Variants in TGM4 observed in about 807,000 individuals in gnomAD.
The protein encoded by TGM4 is transglutaminase 4.
A neutral mutation model predicts 76.3 loss-of-function variants in TGM4; 61 were observed. The observed-to-expected ratio is 0.80, with a 90% CI of 0.65 to 0.99. The LOEUF is 0.99. TGM4 is among the 50% of genes least tolerant of loss of function. TGM4 has a pLI of 0.00. For synonymous variants in TGM4, 337 were observed against 329.8 expected (o/e 1.02, Z -0.24); for missense variants, 794 against 843.2 (o/e 0.94, Z 0.72).
At position 44,910,973 on chromosome 3, in the gene TGM4, T is replaced by C. The variant is rs777766236; in HGVS notation, c.1622T>C (p.Leu541Pro). Residue 541 changes from leucine to proline, a missense_variant, in exon 12 of 14, where the codon CTG (leucine) becomes CCG (proline). Leu to Pro is a moderately conservative substitution (Grantham distance 98). Transcript: ENST00000296125. Reference sequence around the variant, plus strand: ...TCTTTGGCAGTATCAGAAGTGACTCTGACCTTGGACTCCAAGACCTACATC... The same window carrying C: ...TCTTTGGCAGTATCAGAAGTGACTCCGACCTTGGACTCCAAGACCTACATC... ...QIQGQVSEVT[L>P]TLDSKTYINS... The C allele has an allele frequency of 5.0e-6, 8 of 1,614,054 alleles. No individual in the cohort carries two copies. In the Admixed American group the frequency reaches 1.0e-4, roughly 20 times the overall value.
intron 5 of TGM4, among the ~76,000 whole-genome samples, chr3:44,895,860 T>G (rs548274325): frequency 1.3e-5 from 2 of 152,320 alleles, no homozygotes; most frequent in Middle Eastern, 3.4e-3. Context: ...TTATGAGATA[T>G]AAATGATATC....
chr3:44,885,200 A>T, intron 1 of TGM4, 125 bp from the exon 2 acceptor site: 1 of 926,600 alleles, frequency 1.1e-6, no homozygotes, highest in East Asian at 2.7e-5. Flanking sequence ...GAGGTGGAGC[A>T]GGGATGCCCG....
chr3:44,876,774 CAA>C (rs1699456922), intron 1 of TGM4, among the ~76,000 whole-genome samples: 1 of 152,012 alleles, frequency 6.6e-6, no homozygotes, highest in Admixed American at 6.5e-5. Context: ...ATGTGTAAGA[CAA>C]AACCTCCAGA....
At chr3:44,897,790 G>A (rs976596734) in intron 6 of TGM4, among the ~76,000 whole-genome samples, 3 of 152,006 alleles carry the variant, frequency 2.0e-5, no homozygotes, top group Non-Finnish European at 4.4e-5. Flanking sequence ...CATAAATAAC[G>A]TATTTTTATT....
chr3:44,896,582 T>C (rs1461175544), intron 5 of TGM4, 127 bp from the exon 6 acceptor site: 3 of 777,596 alleles, frequency 3.9e-6, no homozygotes, highest in Non-Finnish European at 6.4e-6. Context: ...GACTTTTTTA[T>C]GAGACTGTAG....
At chr3:44,902,636 A>G (rs994172209) in intron 8 of TGM4, among the ~76,000 whole-genome samples, 1 of 144,098 alleles carries the variant, frequency 6.9e-6, no homozygotes, top group East Asian at 2.3e-4. Flanking sequence ...AACAAAAAAA[A>G]TGCAGATTCC....
Position 44,910,215 on chromosome 3 carries a change from G to A in TGM4, c.1453G>A (p.Gly485Arg), listed in dbSNP as rs144433702. The change falls in exon 11 of 14, where the codon GGA becomes AGA. Residue 485 changes from glycine to arginine, a missense_variant. By Grantham distance (125) the Gly-to-Arg change is moderately radical. Transcript: ENST00000296125. ...MSVQSDDVLL[G>R]NSVNFTVILK... is the part of the protein sequence containing the mutation. ...GGTACAATCAGATGATGTGCTGCTGGGAAACTCTGTTAATTTCACCGTGAT... is the reference window on the plus strand; with the variant it reads ...GGTACAATCAGATGATGTGCTGCTGAGAAACTCTGTTAATTTCACCGTGAT... 25 of 1,614,182 alleles carry A rather than the reference G, an allele frequency of 1.5e-5. 1 individual carries two copies. The South Asian group carries it at 2.7e-4, about 18-fold the overall frequency.
At chr3:44,911,547 T>C in intron 13 of TGM4, 141 bp downstream of exon 13, 1 of 925,420 alleles carries the variant, frequency 1.1e-6, no homozygotes, top group East Asian at 2.7e-5. Flanking sequence ...CAAATTACTT[T>C]GAGAAAAGAT....
At chr3:44,903,608 C>T in intron 8 of TGM4, 1 of 455,292 alleles carries the variant, frequency 2.2e-6, no homozygotes, top group Non-Finnish European at 4.0e-6. Context: ...TGAAGACTCC[C>T]AGGCTCTTTG....
intron 3 of TGM4, 100 bp downstream of exon 3, chr3:44,887,895 C>T (rs891849583): frequency 6.4e-6 from 7 of 1,086,638 alleles, no homozygotes; most frequent in African/African-American, 3.1e-5. Flanking sequence ...CAGCTGGTAA[C>T]ATGGTTTAAA....
At chr3:44,882,734 C>A (rs1225940137) in intron 1 of TGM4, among the ~76,000 whole-genome samples, 1 of 152,242 alleles carries the variant, frequency 6.6e-6, no homozygotes, top group African/African-American at 2.4e-5. Context: ...ACCTGAAAAT[C>A]CCCTATTTCT....
chr3:44,909,193 C>G (rs951376517), intron 10 of TGM4, among the ~76,000 whole-genome samples: 1 of 152,218 alleles, frequency 6.6e-6, no homozygotes, highest in Non-Finnish European at 1.5e-5. Flanking sequence ...TTTCAATGCT[C>G]TGGCAGGCAA....
chr3:44,902,038 T>C, intron 8 of TGM4, 107 bp downstream of exon 8: 1 of 1,386,068 alleles, frequency 7.2e-7, no homozygotes, highest in Non-Finnish European at 9.8e-7. Context: ...GGTCTTGAAC[T>C]GGTGTCAAGC....
chr3:44,903,952 A>G lies in TGM4; in HGVS notation c.1040A>G (p.Gln347Arg). 3 of 1,614,176 alleles carry G rather than the reference A, an allele frequency of 1.9e-6. No homozygotes were observed. Among genetic ancestry groups the G allele is most frequent in the Non-Finnish European group, 2.5e-6 (3 of 1,180,044 alleles). Residue 347 changes from glutamine to arginine, a missense_variant, in exon 9 of 14, where the codon CAG becomes CGG. Coordinates refer to ENST00000296125, the MANE Select transcript of TGM4 (RefSeq NM_003241.4). ...PDLPKGYDGW[Q>R]AVDATPQERS... Reference sequence around the variant, plus strand: ...CTGCCCAAGGGCTACGACGGCTGGCAGGCTGTGGACGCAACGCCGCAGGAG... The same window carrying G: ...CTGCCCAAGGGCTACGACGGCTGGCGGGCTGTGGACGCAACGCCGCAGGAG...
At chr3:44,907,983 CGAG>C (rs1699948421) in intron 10 of TGM4, among the ~76,000 whole-genome samples, 1 of 152,086 alleles carries the variant, frequency 6.6e-6, no homozygotes. Context: ...GACTCATAGA[CGAG>C]GGAGCAATTT....
chr3:44,904,627 A>G (rs1328233368), intron 9 of TGM4, among the ~76,000 whole-genome samples: 1 of 152,254 alleles, frequency 6.6e-6, no homozygotes. Context: ...CTAAAGACAA[A>G]GTCAGCCCAG....
chr3:44,890,812 C>T (rs931321602), intron 4 of TGM4, 80 bp downstream of exon 4: 1 of 1,534,260 alleles, frequency 6.5e-7, no homozygotes. Context: ...AGTCTATGAG[C>T]TTTTGTTTGC....
intron 2 of TGM4, among the ~76,000 whole-genome samples, chr3:44,886,805 T>C (rs1203811581): frequency 6.6e-6 from 1 of 152,120 alleles, no homozygotes; most frequent in Non-Finnish European, 1.5e-5. Context: ...GAGAGAGCAG[T>C]AAACAAACAA....
intron 5 of TGM4, 56 bp from the exon 6 acceptor site, chr3:44,896,653 A>C: frequency 6.5e-7 from 1 of 1,541,964 alleles, no homozygotes; most frequent in Non-Finnish European, 9.0e-7. Context: ...GGTATGTGTT[A>C]AGTTTCTGAC....
Sources: allele counts gnomAD v4.1 joint callset (sites outside exome capture counted in the v4.1 genomes callset), GRCh38; gene constraint gnomAD v4.1.1; transcripts MANE v1.5; gene names NCBI Gene and HGNC (gene_info 2026-07-23, HGNC 2026-07-21).